UPK1B: variants seen among roughly 807,000 people sequenced by gnomAD.
UPK1B encodes the protein uroplakin 1B.
Under a neutral mutation model 34.2 loss-of-function variants are expected in UPK1B, and 28 were observed. The ratio of observed to expected loss-of-function variants is 0.82; its 90% CI spans 0.61 to 1.12. The LOEUF is 1.12. Among genes scored for constraint, UPK1B ranks in the 50% most tolerant of loss-of-function variants. The pLI, the probability that UPK1B is intolerant of heterozygous loss-of-function variation, is 0.00. For missense variants in UPK1B, 325 were observed against 320.9 expected (o/e 1.01, Z -0.10); for synonymous variants, 81 against 110.4 (o/e 0.73, Z 1.67).
chr3:119,198,946 G>A, intron 6 of UPK1B, 111 bp from the exon 7 acceptor site: 1 of 1,220,138 alleles, frequency 8.2e-7, no homozygotes, highest in South Asian at 1.4e-5. Flanking sequence ...CTGGATATGT[G>A]AAATCAGAAT....
At position 119,191,075 on chromosome 3, in the gene UPK1B, A is replaced by C; in HGVS notation, c.439A>C (p.Thr147Pro). The C allele has an allele frequency of 1.2e-6, 2 of 1,614,032 alleles. No homozygotes were observed. Among genetic ancestry groups the C allele is most frequent in the South Asian group, 2.2e-5 (2 of 91,078 alleles). ...TGACCAGTGGAAAAACAATGGAGTC[A>C]CCAAAACCTGGGACAGGCTCATGCT... Reference protein sequence around the residue: ...NDDQWKNNGVTKTWDRLMLQD... With the variant: ...NDDQWKNNGVPKTWDRLMLQD... Residue 147 changes from threonine (T) to proline (P), a missense_variant, in exon 5 of 8, where the codon ACC becomes CCC. Coordinates refer to ENST00000264234, the MANE Select transcript of UPK1B (RefSeq NM_006952.4).
chr3:119,175,623 C>A (rs1205904574), intron 1 of UPK1B, among the ~76,000 whole-genome samples: 3 of 150,876 alleles, frequency 2.0e-5, no homozygotes, highest in Non-Finnish European at 2.9e-5. Flanking sequence ...GGCCCTCGTG[C>A]AACTGAGTGC....
At chr3:119,192,020 A>T (rs2078047109) in intron 5 of UPK1B, among the ~76,000 whole-genome samples, 1 of 152,030 alleles carries the variant, frequency 6.6e-6, no homozygotes, top group Non-Finnish European at 1.5e-5. Flanking sequence ...ATTTAGTCTC[A>T]CAATTCCTTG....
intron 1 of UPK1B, among the ~76,000 whole-genome samples, chr3:119,179,335 GGAGA>G (rs1306071249): frequency 9.8e-5 from 5 of 50,924 alleles, no homozygotes; most frequent in Admixed American, 4.8e-4. Flanking sequence ...AGAGAGAGAG[GGAGA>G]GAGAGAGAGG....
Position 119,194,363 on chromosome 3 carries a change from T to C in UPK1B, c.613T>C (p.Cys205Arg), listed in dbSNP as rs1033950759. ...TAAAGAACCTCTCAACCTGGAGGCTTGTAAACTAGGCGTGCCTGGTTTTTA... is the reference window on the plus strand; with the variant it reads ...TAAAGAACCTCTCAACCTGGAGGCTCGTAAACTAGGCGTGCCTGGTTTTTA... ...NLKEPLNLEA[C>R]KLGVPGFYHN... Residue 205 changes from cysteine (C) to arginine (R), a missense_variant, in exon 6 of 8, where the codon TGT becomes CGT. Physicochemically the swap from Cys to Arg is radical, Grantham distance 180. Transcript: ENST00000264234. The C allele has an allele frequency of 9.3e-6, 15 of 1,613,390 alleles. No individual in the cohort carries two copies. In the Admixed American group the frequency reaches 2.5e-4, roughly 27 times the overall value.
chr3:119,194,326 T>G lies in UPK1B; in HGVS notation c.576T>G (p.Val192=). 6.2e-7 allele frequency: 1 copy of G among 1,614,020 alleles called. No individual in the cohort carries two copies. The highest frequency in any genetic ancestry group is 8.5e-7 in the Non-Finnish European group (1 of 1,179,926). Reference sequence around the variant, plus strand: ...ATCCCTGGCCTCGTCAATGCTGTGTTATGAACAATCTTAAAGAACCTCTCA... The same window carrying G: ...ATCCCTGGCCTCGTCAATGCTGTGTGATGAACAATCTTAAAGAACCTCTCA... The part of the protein sequence containing the change: ...ADYPWPRQCC[V]MNNLKEPLNL... Residue 192 remains valine (V), a synonymous_variant, in exon 6 of 8, where the codon GTT becomes GTG. Coordinates refer to ENST00000264234, the MANE Select transcript of UPK1B (RefSeq NM_006952.4).
chr3:119,203,828 C>G, intron 7 of UPK1B, 89 bp from the exon 8 acceptor site: 1 of 1,370,826 alleles, frequency 7.3e-7, no homozygotes, highest in Non-Finnish European at 1.0e-6. Context: ...TCACCTAAGC[C>G]TGAATGAACC....
chr3:119,196,145 G>GGAGCACACA (rs1419698663), intron 6 of UPK1B, among the ~76,000 whole-genome samples: 3 of 151,936 alleles, frequency 2.0e-5, no homozygotes, highest in Admixed American at 2.0e-4. Flanking sequence ...TGTGCTCCTT[G>GGAGCACACA]TTTCTCAACC....
intron 5 of UPK1B, among the ~76,000 whole-genome samples, chr3:119,192,380 CA>C (rs1389674678): frequency 6.6e-6 from 1 of 152,178 alleles, no homozygotes; most frequent in East Asian, 1.9e-4. Flanking sequence ...GCTTTTTGCT[CA>C]CTCTTCGTTT....
intron 6 of UPK1B, among the ~76,000 whole-genome samples, chr3:119,197,217 C>A (rs1576872074): frequency 6.6e-6 from 1 of 152,134 alleles, no homozygotes; most frequent in East Asian, 1.9e-4. Flanking sequence ...TATATATATT[C>A]TATGTTATGG....
At chr3:119,197,313 G>C (rs1162585883) in intron 6 of UPK1B, among the ~76,000 whole-genome samples, 1 of 152,114 alleles carries the variant, frequency 6.6e-6, no homozygotes, top group African/African-American at 2.4e-5. Context: ...ATCAAGTAAA[G>C]TACCACTAAA....
At chr3:119,200,817 G>C (rs777916633) in intron 7 of UPK1B, among the ~76,000 whole-genome samples, 3 of 152,138 alleles carry the variant, frequency 2.0e-5, no homozygotes, top group African/African-American at 4.8e-5. Context: ...CAACCATAGC[G>C]TGTCTGTTCA....
chr3:119,192,695 T>C (rs2078049633), intron 5 of UPK1B, among the ~76,000 whole-genome samples: 1 of 152,194 alleles, frequency 6.6e-6, no homozygotes, highest in Non-Finnish European at 1.5e-5. Flanking sequence ...GCCTTCTCTC[T>C]TGTTATGTCA....
At chr3:119,200,813 T>A (rs1377355527) in intron 7 of UPK1B, among the ~76,000 whole-genome samples, 1 of 152,248 alleles carries the variant, frequency 6.6e-6, no homozygotes, top group Admixed American at 6.5e-5. Context: ...CAAACAACCA[T>A]AGCGTGTCTG....
chr3:119,190,204 G>T, intron 3 of UPK1B, 41 bp from the exon 4 acceptor site: 1 of 1,448,562 alleles, frequency 6.9e-7, no homozygotes, highest in South Asian at 1.2e-5. Context: ...GCTCTTTGAC[G>T]GGTAAATGTA....
At chr3:119,187,198 G>A (rs1343713181) in intron 2 of UPK1B, among the ~76,000 whole-genome samples, 1 of 152,144 alleles carries the variant, frequency 6.6e-6, no homozygotes, top group Non-Finnish European at 1.5e-5. Context: ...CTCATACAGA[G>A]GCCAGTACCA....
Position 119,175,012 on chromosome 3 carries a change from C to CT in UPK1B, c.-29+1409dup, listed in dbSNP as rs374721069. ...CAGAACTTTTTTTTTCTTTTATTTT[C>CT]TTTTTTTTTTTTTTTTTTTTTTTTT... On this transcript the variant is annotated intron_variant, in intron 1 of 7. Coordinates refer to ENST00000264234, the MANE Select transcript of UPK1B (RefSeq NM_006952.4). 9.8e-4 allele frequency among the ~76,000 whole-genome samples: 66 copies of CT among 67,440 alleles called. 4 individuals are homozygous for CT. Among genetic ancestry groups the CT allele is most frequent in the Non-Finnish European group, 1.4e-3 (53 of 38,094 alleles). The allele number at this position is 67,440 out of a possible 152,430, so 44.2% of individuals were successfully genotyped here. A position where few individuals can be genotyped will look rare whatever the true frequency, so the allele number is the denominator to read the frequency against.
At chr3:119,173,830 G>A (rs908153356) in intron 1 of UPK1B, among the ~76,000 whole-genome samples, 192 bp downstream of exon 1, 1 of 152,078 alleles carries the variant, frequency 6.6e-6, no homozygotes, top group Non-Finnish European at 1.5e-5. Flanking sequence ...TGAACCGTTG[G>A]AATTGCTTTC....
intron 3 of UPK1B, among the ~76,000 whole-genome samples, chr3:119,189,539 A>C (rs181441741): frequency 1.2e-3 from 177 of 152,392 alleles, no homozygotes; most frequent in African/African-American, 4.1e-3. Context: ...TATCATGTGC[A>C]CACGCACCCA....
Sources: allele counts gnomAD v4.1 joint callset (sites outside exome capture counted in the v4.1 genomes callset), GRCh38; gene constraint gnomAD v4.1.1; transcripts MANE v1.5; gene names NCBI Gene and HGNC (gene_info 2026-07-23, HGNC 2026-07-21).